The following ATP10B variants were observed in gnomAD, a reference collection of about 807,000 sequenced individuals.
ATP10B encodes the protein ATPase phospholipid transporting 10B (putative).
ATP10B carries 122 observed loss-of-function variants against 141.2 expected under a neutral mutation model. That is an observed-to-expected ratio of 0.86 (90% confidence interval 0.75 to 1.00). The LOEUF is 1.00. Ranked by LOEUF, ATP10B falls within the 50% of genes least tolerant of loss-of-function variation. ATP10B has a pLI of 0.00. For synonymous variants in ATP10B, 685 were observed against 692.0 expected, an observed-to-expected ratio of 0.99 and a Z score of 0.16; for missense variants, 1,876 against 1,825.3, an observed-to-expected ratio of 1.03 and a Z score of -0.51.
the ATP10B span, among the ~76,000 whole-genome samples, chr5:160,927,245 G>A: frequency 6.6e-6 from 1 of 152,156 alleles, no homozygotes; most frequent in African/African-American, 2.4e-5. Flanking sequence ...ATTTAAGTGG[G>A]TGGCTTGATA....
intron 1 of ATP10B, among the ~76,000 whole-genome samples, chr5:160,789,707 A>G (rs151040085): frequency 3.3e-5 from 5 of 152,304 alleles, no homozygotes; most frequent in African/African-American, 1.2e-4. Flanking sequence ...TACAGACAGG[A>G]AACAGACTCA....
the ATP10B span, among the ~76,000 whole-genome samples, chr5:160,866,144 C>T: frequency 6.6e-6 from 1 of 152,032 alleles, no homozygotes; most frequent in East Asian, 1.9e-4. Context: ...TTTGCAATTA[C>T]AAAAATATGG....
At chr5:160,793,838 T>C (rs947314021) in intron 1 of ATP10B, among the ~76,000 whole-genome samples, 5 of 152,218 alleles carry the variant, frequency 3.3e-5, no homozygotes, top group African/African-American at 1.2e-4. Context: ...TTTCACTGTA[T>C]TTTTTCTGTA....
intron 6 of ATP10B, among the ~76,000 whole-genome samples, chr5:160,681,190 G>A (rs1344244427): frequency 6.6e-6 from 1 of 152,162 alleles, no homozygotes; most frequent in African/African-American, 2.4e-5. Flanking sequence ...ACTGACAGCT[G>A]GGTTAAACAA....
the ATP10B span, among the ~76,000 whole-genome samples, chr5:160,857,542 C>T: frequency 1.3e-5 from 2 of 151,278 alleles, no homozygotes; most frequent in African/African-American, 2.4e-5. Context: ...TAATTTATTT[C>T]CTTGTGTTTG....
At chr5:160,627,698 A>T (rs561972613) in intron 13 of ATP10B, among the ~76,000 whole-genome samples, 48 of 152,316 alleles carry the variant, frequency 3.2e-4, no homozygotes, top group African/African-American at 1.1e-3. Flanking sequence ...AAAATAAAAG[A>T]TGAGGCAGCT....
chr5:160,640,121 A>T (rs954768447), intron 10 of ATP10B, among the ~76,000 whole-genome samples: 1 of 152,228 alleles, frequency 6.6e-6, no homozygotes, highest in Admixed American at 6.5e-5. Context: ...TAACAGAATA[A>T]ATTTGTGTTG....
chr5:160,653,607 AT>A (rs1761135502), intron 7 of ATP10B, among the ~76,000 whole-genome samples: 1 of 32,832 alleles, frequency 3.0e-5, no homozygotes, highest in Non-Finnish European at 8.6e-5. Flanking sequence ...ACATATATAC[AT>A]ATATACATAT....
chr5:160,622,450 C>A lies in ATP10B; in HGVS notation c.1756G>T (p.Ala586Ser), dbSNP rs1758400587. The change falls in exon 14 of 26, where the codon GCC becomes TCC. Residue 586 changes from alanine to serine, a missense_variant. Transcript: ENST00000327245. ...ATGACAGAGTTGCAGATGGTTAAGGCAAGGAAGAAATCAGCAATGGAGGAG... is the reference window on the plus strand; with the variant it reads ...ATGACAGAGTTGCAGATGGTTAAGGAAAGGAAGAAATCAGCAATGGAGGAG... ...TTSSIADFFL[A>S]LTICNSVMVS... The A allele has an allele frequency of 6.2e-7, 1 of 1,614,066 alleles. No individual in the cohort carries two copies. Among genetic ancestry groups the A allele is most frequent in the Non-Finnish European group, 8.5e-7 (1 of 1,180,016 alleles).
At position 160,565,521 on chromosome 5, in the gene ATP10B, G is replaced by C. The variant is rs372788485; in HGVS notation, c.4318C>G (p.Gln1440Glu). 1.7e-5 allele frequency: 27 copies of C among 1,614,140 alleles called. 1 individual carries two copies. The African/African-American group carries it at 3.2e-4, about 19-fold the overall frequency. ...TTTGAGCACCGGCACATATCAGTCT[G>C]TCCTCTTGAGTAGGCCATTATCCTG... ...PNRIMAYSRG[Q>E]TDMCRCSKRS... Residue 1440 changes from glutamine to glutamate, a missense_variant, in exon 26 of 26, where the codon CAG becomes GAG. Coordinates refer to ENST00000327245, the MANE Select transcript of ATP10B (RefSeq NM_025153.3).
At chr5:160,854,428 T>C (rs1358293847), upstream of ATP10B, among the ~76,000 whole-genome samples, 2 of 152,076 alleles carry the variant, frequency 1.3e-5, no homozygotes, top group Admixed American at 6.6e-5. Context: ...TGGTGTTTGG[T>C]TTTCTGTTCC....
intron 24 of ATP10B, among the ~76,000 whole-genome samples, chr5:160,579,160 C>T (rs905047768): frequency 1.3e-5 from 2 of 152,168 alleles, no homozygotes; most frequent in African/African-American, 4.8e-5. Context: ...TTTTGCTGTG[C>T]AGAAGCTCTT....
chr5:160,878,510 G>T, the ATP10B span, among the ~76,000 whole-genome samples: 3 of 152,180 alleles, frequency 2.0e-5, no homozygotes, highest in East Asian at 1.9e-4. Flanking sequence ...AAAAGCAATG[G>T]CAACAGAAGA....
chr5:160,629,924 TAAGTA>T (rs1226003024), intron 13 of ATP10B, among the ~76,000 whole-genome samples: 1 of 152,144 alleles, frequency 6.6e-6, no homozygotes, highest in Non-Finnish European at 1.5e-5. Context: ...GTGAGAATTG[TAAGTA>T]AAGTATTTTC....
rs575652524 is a variant in ATP10B, at chr5:160,569,622, A to G, written c.3812T>C (p.Leu1271Pro). ...SFLMYFLVSL[L>P]YNATCVICNS... ...GCAGATGACGCAGGTGGCATTGTAC[A>G]GGAGGGATACCAGAAAGTACATCAG... The change falls in exon 25 of 26, where the codon CTG (leucine) becomes CCG (proline). Residue 1271 changes from leucine (L) to proline (P), a missense_variant. Leu to Pro is a moderately conservative substitution (Grantham distance 98). Coordinates refer to ENST00000327245, the MANE Select transcript of ATP10B (RefSeq NM_025153.3). The G allele has an allele frequency of 7.0e-5, 112 of 1,611,476 alleles. 1 individual carries two copies. The South Asian group carries it at 1.1e-3, about 17-fold the overall frequency.
At chr5:160,644,839 C>T (rs780980076) in intron 8 of ATP10B, among the ~76,000 whole-genome samples, 4 of 152,084 alleles carry the variant, frequency 2.6e-5, no homozygotes, top group African/African-American at 7.2e-5. Flanking sequence ...CCAGTAGGGC[C>T]GGGTGCAGTG....
At chr5:160,907,764 CA>C in the ATP10B span, among the ~76,000 whole-genome samples, 1 of 152,184 alleles carries the variant, frequency 6.6e-6, no homozygotes, top group Non-Finnish European at 1.5e-5. Flanking sequence ...CCAATGTCAG[CA>C]GCAAAAAGTG....
chr5:160,605,164 G>T (rs1757312456), intron 19 of ATP10B, among the ~76,000 whole-genome samples: 1 of 151,926 alleles, frequency 6.6e-6, no homozygotes, highest in African/African-American at 2.4e-5. Flanking sequence ...TTCTTTTCCT[G>T]GCCCTACATG....
chr5:160,659,183 A>G (rs1761718333), intron 7 of ATP10B, among the ~76,000 whole-genome samples: 1 of 152,148 alleles, frequency 6.6e-6, no homozygotes, highest in Non-Finnish European at 1.5e-5. Flanking sequence ...TTCACCTTTC[A>G]GGCCGGGCGC....
Sources: gnomAD v4.1 joint callset for allele counts (sites outside exome capture counted in the v4.1 genomes callset) on GRCh38, gnomAD v4.1.1 for gene constraint, MANE v1.5 for transcripts, NCBI Gene and HGNC (gene_info 2026-07-23, HGNC 2026-07-21) for gene names.